The following USP36 variants were observed in gnomAD, a reference collection of about 807,000 sequenced individuals.
The protein encoded by USP36 is ubiquitin specific peptidase 36.
Under a neutral mutation model 111.5 loss-of-function variants are expected in USP36, and 59 were observed. The ratio of observed to expected loss-of-function variants is 0.53; its 90% CI spans 0.43 to 0.66. The LOEUF (loss-of-function observed/expected upper bound fraction) is 0.66, where lower values mean the gene tolerates loss of function less well. Ranked by LOEUF, USP36 falls within the 30% of genes least tolerant of loss-of-function variation. The pLI, the probability that USP36 is intolerant of heterozygous loss-of-function variation, is 0.00. For synonymous variants in USP36, 628 were observed against 581.0 expected (o/e 1.08, Z -1.16); for missense variants, 1,488 against 1,468.0 (o/e 1.01, Z -0.22).
At chr17:78,812,322 A>C (rs1049353097) in intron 13 of USP36, among the ~76,000 whole-genome samples, 1 of 152,176 alleles carries the variant, frequency 6.6e-6, no homozygotes, top group Non-Finnish European at 1.5e-5. Context: ...TGACAATTCT[A>C]ATTTGTTGGG....
downstream of USP36, among the ~76,000 whole-genome samples, chr17:78,793,576 A>G (rs2093600371): frequency 1.3e-5 from 2 of 152,116 alleles, no homozygotes; most frequent in Non-Finnish European, 2.9e-5. Context: ...CTCAGCTGAC[A>G]AGACACAGAA....
intron 2 of USP36, among the ~76,000 whole-genome samples, chr17:78,836,677 C>T (rs1207224910): frequency 1.3e-5 from 2 of 152,206 alleles, no homozygotes; most frequent in Non-Finnish European, 2.9e-5. Context: ...AGATACTCAT[C>T]AAGTGGCTCT....
rs150865699 is a variant in USP36, at chr17:78,807,156, G to A, written c.1888C>T (p.Pro630Ser). The A allele has an allele frequency of 5.1e-5, 83 of 1,614,138 alleles. 1 individual carries two copies. The highest frequency in any genetic ancestry group is 6.7e-5 in the Admixed American group (4 of 60,012). ...SSDSTKAPQT[P>S]RSGAAHLCDS... Reference sequence around the variant, plus strand: ...CAGAGATGGGCCGCTCCACTCCTGGGGGTCTGGGGGGCCTTGGTGGAGTCG... The same window carrying A: ...CAGAGATGGGCCGCTCCACTCCTGGAGGTCTGGGGGGCCTTGGTGGAGTCG... Residue 630 changes from proline (P) to serine (S), a missense_variant, in exon 14 of 21, where the codon CCC (proline) becomes TCC (serine). Coordinates refer to ENST00000449938, the MANE Select transcript of USP36 (RefSeq NM_001385174.1).
chr17:78,804,690 A>ATT (rs34810096), intron 15 of USP36, among the ~76,000 whole-genome samples: 1 of 143,838 alleles, frequency 7.0e-6, no homozygotes, highest in Non-Finnish European at 1.5e-5. Context: ...CAAAAAAAAA[A>ATT]TTTTTTTTTT....
In USP36 at chr17:78,805,896, C is replaced by T. The variant is rs573360124; in HGVS notation, c.2216+260G>A. On this transcript the variant is annotated intron_variant, in intron 15 of 20. Coordinates refer to ENST00000449938, the MANE Select transcript of USP36 (RefSeq NM_001385174.1). ...ACACCACATCACCACAAGGATGTCG[C>T]AGACAGACCACCAACAAAGACAGAA... Among the ~76,000 whole-genome samples the T allele has an allele frequency of 4.6e-5, 7 of 152,316 alleles. No homozygotes were observed. The South Asian group carries it at 1.4e-3, about 32-fold the overall frequency.
At chr17:78,838,410 A>G (rs2068909134) in intron 2 of USP36, among the ~76,000 whole-genome samples, 177 bp downstream of exon 2, 2 of 151,902 alleles carry the variant, frequency 1.3e-5, no homozygotes, top group African/African-American at 4.8e-5. Context: ...ACTTCTGTAA[A>G]GAAATTTCAG....
chr17:78,835,302 G>A lies in USP36; in HGVS notation c.453C>T (p.Leu151=). Residue 151 remains leucine, a synonymous_variant, in exon 4 of 21, where the codon CTC becomes CTT. Transcript: ENST00000449938. The part of the protein sequence containing the change: ...TYTPPLANYL[L]SKEHARSCHQ... ...CACAGCTGCGAGCATGCTCCTTGGAGAGCAGGTAGTTGGCTAGAGGTGGTG... is the reference window on the plus strand; with the variant it reads ...CACAGCTGCGAGCATGCTCCTTGGAAAGCAGGTAGTTGGCTAGAGGTGGTG... The A allele has an allele frequency of 1.9e-6, 3 of 1,614,188 alleles. No homozygotes were observed. Among genetic ancestry groups the A allele is most frequent in the South Asian group, 1.1e-5 (1 of 91,072 alleles).
At chr17:78,794,824 T>C (rs1432144768), downstream of USP36, among the ~76,000 whole-genome samples, 2 of 151,696 alleles carry the variant, frequency 1.3e-5, no homozygotes, top group African/African-American at 4.8e-5. Flanking sequence ...CTGGCCAACA[T>C]GGTGGAACCC....
chr17:78,836,093 C>G lies in USP36; in HGVS notation c.253+18G>C. The stretch of plus-strand genomic sequence containing the variant: ...CCCGGAGTGAGGGCCTCTCTGCCAG[C>G]ACACTGCACATCTGTACCCTGTCTC... On this transcript the variant is annotated intron_variant, in intron 3 of 20. Transcript: ENST00000449938. The G allele has an allele frequency of 6.2e-7, 1 of 1,609,448 alleles. No individual in the cohort carries two copies. Among genetic ancestry groups the G allele is most frequent in the Non-Finnish European group, 8.5e-7 (1 of 1,177,330 alleles).
chr17:78,816,488 T>C (rs2094192711), intron 10 of USP36, among the ~76,000 whole-genome samples: 1 of 152,118 alleles, frequency 6.6e-6, no homozygotes, highest in South Asian at 2.1e-4. Flanking sequence ...TAGCCAAGCA[T>C]GGTGGCACAC....
chr17:78,794,078 C>T (rs2093604184), downstream of USP36, among the ~76,000 whole-genome samples: 1 of 152,246 alleles, frequency 6.6e-6, no homozygotes. Context: ...ACATTCCACC[C>T]TATCTGTCAT....
chr17:78,830,993 G>C (rs967881530), intron 4 of USP36, among the ~76,000 whole-genome samples: 1 of 151,820 alleles, frequency 6.6e-6, no homozygotes, highest in Non-Finnish European at 1.5e-5. Flanking sequence ...TTGGGAGGCC[G>C]AGGCAGGTGG....
At chr17:78,819,108 T>A (rs888590430) in intron 9 of USP36, 7 of 195,068 alleles carry the variant, frequency 3.6e-5, no homozygotes, top group Non-Finnish European at 1.1e-5. Flanking sequence ...TGTGGCTGAG[T>A]GATAAAACGG....
Position 78,812,872 on chromosome 17 carries a change from T to C in USP36, c.1395A>G (p.Pro465=), listed in dbSNP as rs1432236108. The change falls in exon 13 of 21, where the codon CCA becomes CCG. Residue 465 remains proline, a synonymous_variant. Transcript: ENST00000449938. ...KNIGNGIISS[P]LTGKRQDSGT... ...TTCTCACAAATACCTTTCCAGTCAG[T>C]GGGGAGGAAATAATCCCATTGCCGA... 20 of 1,612,874 alleles carry C rather than the reference T, an allele frequency of 1.2e-5. No individual in the cohort carries two copies. Among genetic ancestry groups the C allele is most frequent in the Non-Finnish European group, 1.7e-5 (20 of 1,179,866 alleles).
At chr17:78,802,605 C>G (rs552038490) in intron 16 of USP36, 70 bp from the exon 17 acceptor site, 1 of 1,453,652 alleles carries the variant, frequency 6.9e-7, no homozygotes, top group Non-Finnish European at 9.2e-7. Flanking sequence ...CACAGACACC[C>G]GCCTGCAACA....
At chr17:78,818,602 T>G in intron 10 of USP36, 65 bp downstream of exon 10, 1 of 1,438,156 alleles carries the variant, frequency 7.0e-7, no homozygotes, top group Non-Finnish European at 9.8e-7. Context: ...TATCACTTTC[T>G]TCGTGTTATT....
At chr17:78,812,821 A>G (rs370226306) in intron 13 of USP36, 39 bp downstream of exon 13, 22 of 1,609,852 alleles carry the variant, frequency 1.4e-5, no homozygotes, top group Non-Finnish European at 1.9e-5. Context: ...GAGGAGCACC[A>G]AGACCAGCCA....
At chr17:78,821,415 T>TAC (rs1567952821) in intron 7 of USP36, 1 of 57,020 alleles carries the variant, frequency 1.8e-5, no homozygotes, top group Non-Finnish European at 3.2e-5. Flanking sequence ...TATATATATA[T>TAC]ATATATTTTT....
At chr17:78,815,874 T>C (rs1331644634) in intron 10 of USP36, among the ~76,000 whole-genome samples, 2 of 152,018 alleles carry the variant, frequency 1.3e-5, no homozygotes, top group Non-Finnish European at 2.9e-5. Flanking sequence ...CATGTACGCA[T>C]ATACATACAT....
Sources: allele counts gnomAD v4.1 joint callset (sites outside exome capture counted in the v4.1 genomes callset), GRCh38; gene constraint gnomAD v4.1.1; transcripts MANE v1.5; gene names NCBI Gene and HGNC (gene_info 2026-07-23, HGNC 2026-07-21).